The following B9D1 variants were observed in gnomAD, a reference collection of about 807,000 sequenced individuals.
B9D1 encodes the protein B9 domain containing 1.
In B9D1, 20 loss-of-function variants were observed where a neutral mutation model predicts 26.1. The ratio of observed to expected loss-of-function variants is 0.77; its 90% CI spans 0.54 to 1.12. B9D1 has a LOEUF of 1.12. Among genes scored for constraint, B9D1 ranks in the 50% most tolerant of loss-of-function variants. The pLI is 0.00. For missense variants in B9D1, 260 were observed against 273.7 expected (o/e 0.95, Z 0.35); for synonymous variants, 105 against 103.1 (o/e 1.02, Z -0.11).
chr17:19,358,349 T>C (rs1910626103), intron 2 of B9D1, among the ~76,000 whole-genome samples: 1 of 152,162 alleles, frequency 6.6e-6, no homozygotes, highest in Non-Finnish European at 1.5e-5. Flanking sequence ...CTCTTTCAAC[T>C]CTGCGGCTTC....
Position 19,343,857 on chromosome 17 carries a change from G to A in B9D1, c.405C>T (p.Ser135=). ...ACTCGGGCCGCCGCCCCATGAACCA[G>A]CTGGGAACACAGAAGAACACAGGTG... ...ESTSKLQKFT[S]WFMGRRPEYT... is the part of the protein sequence containing the mutation. Residue 135 remains serine, a splice_region_variant and synonymous_variant, in exon 6 of 7, where the codon AGC becomes AGT. Coordinates refer to ENST00000261499, the MANE Select transcript of B9D1 (RefSeq NM_015681.6). The A allele has an allele frequency of 6.2e-7, 1 of 1,613,948 alleles. No homozygotes were observed. The highest frequency in any genetic ancestry group is 2.2e-5 in the East Asian group (1 of 44,880).
intron 3 of B9D1, among the ~76,000 whole-genome samples, chr17:19,349,627 C>T (rs1909327187): frequency 6.6e-6 from 1 of 152,162 alleles, no homozygotes; most frequent in South Asian, 2.1e-4. Context: ...AGCAATCTTC[C>T]TGCCTCAGCC....
chr17:19,356,306 G>A (rs1910347955), intron 3 of B9D1, among the ~76,000 whole-genome samples: 1 of 152,082 alleles, frequency 6.6e-6, no homozygotes, highest in Non-Finnish European at 1.5e-5. Flanking sequence ...TGCCCAGGCT[G>A]GTCTTAAACT....
chr17:19,351,028 GGA>G (rs1909529943), intron 3 of B9D1, among the ~76,000 whole-genome samples: 1 of 152,064 alleles, frequency 6.6e-6, no homozygotes, highest in African/African-American at 2.4e-5. Context: ...TAGTAGAGAA[GGA>G]GTTTCACCAT....
chr17:19,350,348 A>C (rs9910548), intron 3 of B9D1, among the ~76,000 whole-genome samples: 147,147 of 152,220 alleles, frequency 0.97, 71,377 homozygotes, highest in African/African-American at 0.99. Context: ...GAGTTCAAGA[A>C]CAGCCTGGCC....
intron 1 of B9D1, among the ~76,000 whole-genome samples, chr17:19,375,723 TAG>T (rs1912069164): frequency 1.3e-5 from 2 of 152,184 alleles, no homozygotes; most frequent in Admixed American, 1.3e-4. Context: ...GCCTGGGCGA[TAG>T]AGTGAGACTC....
intron 1 of B9D1, among the ~76,000 whole-genome samples, chr17:19,375,440 A>G (rs931962414): frequency 1.3e-5 from 2 of 152,034 alleles, no homozygotes; most frequent in African/African-American, 4.8e-5. Flanking sequence ...CACACCCACT[A>G]GGATGGCTAT....
chr17:19,376,624 C>CAAAAA (rs56972267), intron 1 of B9D1, among the ~76,000 whole-genome samples: 10 of 48,972 alleles, frequency 2.0e-4, no homozygotes, highest in East Asian at 8.5e-4. Flanking sequence ...TACTAAAATA[C>CAAAAA]AAAAAAAAAA....
At chr17:19,344,699 A>G (rs1277716323) in intron 5 of B9D1, 1 of 163,630 alleles carries the variant, frequency 6.1e-6, no homozygotes, top group Non-Finnish European at 1.4e-5. Flanking sequence ...AAGCCCACGC[A>G]CCGCCCTCCC....
chr17:19,353,621 A>G (rs537528945), intron 3 of B9D1, among the ~76,000 whole-genome samples: 2 of 151,854 alleles, frequency 1.3e-5, no homozygotes, highest in East Asian at 3.9e-4. Flanking sequence ...AGCCTGGGCA[A>G]CAAAAACGAG....
intron 1 of B9D1, among the ~76,000 whole-genome samples, chr17:19,369,832 G>A (rs185461598): frequency 6.6e-6 from 1 of 152,138 alleles, no homozygotes; most frequent in African/African-American, 2.4e-5. Flanking sequence ...ATTGCTTCTG[G>A]AAGACTCGCT....
At chr17:19,361,501 C>T (rs950425875) in intron 1 of B9D1, among the ~76,000 whole-genome samples, 4 of 151,720 alleles carry the variant, frequency 2.6e-5, no homozygotes, top group Admixed American at 1.3e-4. Context: ...GTGTGTGTGG[C>T]GGGGGGGTCG....
intron 1 of B9D1, among the ~76,000 whole-genome samples, chr17:19,376,763 G>A (rs986739053): frequency 6.7e-6 from 1 of 150,290 alleles, no homozygotes; most frequent in South Asian, 2.1e-4. Context: ...CTCCAGCCTG[G>A]GCAACAGAGT....
upstream of B9D1, chr17:19,363,854 G>C (rs1283794500): frequency 6.6e-6 from 1 of 151,956 alleles, no homozygotes; most frequent in African/African-American, 2.4e-5. Flanking sequence ...AAAGATATTT[G>C]ATCAGGGGAG....
chr17:19,347,900 G>C lies in B9D1; in HGVS notation c.245-20C>G. On this transcript the variant is annotated intron_variant, in intron 3 of 6. Coordinates refer to ENST00000261499, the MANE Select transcript of B9D1 (RefSeq NM_015681.6). This position sits in a 1 kb window ranked among gnomAD's most constrained non-coding sequence, Gnocchi z 4.3. ...GTGGCCCTTGGGAAGGACAAGGCAGGGGGTGGGCACATGAGGACACACAGG... is the reference window on the plus strand; with the variant it reads ...GTGGCCCTTGGGAAGGACAAGGCAGCGGGTGGGCACATGAGGACACACAGG... 1 of 1,610,062 alleles carries C rather than the reference G, an allele frequency of 6.2e-7. No individual in the cohort carries two copies. Among genetic ancestry groups the C allele is most frequent in the East Asian group, 2.2e-5 (1 of 44,854 alleles).
intron 1 of B9D1, among the ~76,000 whole-genome samples, chr17:19,376,274 C>G (rs1912095884): frequency 6.6e-6 from 1 of 152,138 alleles, no homozygotes; most frequent in Non-Finnish European, 1.5e-5. Context: ...CCCTTTGCAA[C>G]CATCTGAATG....
At chr17:19,346,139 G>A (rs1908745085) in intron 5 of B9D1, among the ~76,000 whole-genome samples, 1 of 152,226 alleles carries the variant, frequency 6.6e-6, no homozygotes, top group Non-Finnish European at 1.5e-5. Context: ...GATGGGCACT[G>A]CCTCGCTGCC....
chr17:19,362,552 A>G lies in B9D1; in HGVS notation c.18T>C (p.Pro6=). Residue 6 remains proline, a synonymous_variant, in exon 1 of 7, where the codon CCT becomes CCC. Transcript: ENST00000261499. MATAS[P]SVFLLMVNGQ... ...CGTTGACCATGAGTAGAAAGACGCT[A>G]GGACTCGCGGTCGCCATGGCAGGTC... 6.3e-7 allele frequency: 1 copy of G among 1,589,684 alleles called. No individual in the cohort carries two copies. The highest frequency in any genetic ancestry group is 8.6e-7 in the Non-Finnish European group (1 of 1,168,010).
chr17:19,344,763 GA>G (rs2152255614), intron 5 of B9D1, among the ~76,000 whole-genome samples: 1 of 152,364 alleles, frequency 6.6e-6, no homozygotes, highest in East Asian at 1.9e-4. Flanking sequence ...GGCGGCTGCA[GA>G]GGGGCCCAGG....
Sources: allele counts gnomAD v4.1 joint callset (sites outside exome capture counted in the v4.1 genomes callset), GRCh38; gene constraint gnomAD v4.1.1; non-coding constraint Gnocchi (gnomAD v3.1); transcripts MANE v1.5; gene names NCBI Gene and HGNC (gene_info 2026-07-23, HGNC 2026-07-21).